The following RCL1 variants were observed in gnomAD, a reference collection of about 807,000 sequenced individuals.
RCL1 encodes RNA terminal phosphate cyclase like 1.
A neutral mutation model predicts 42.4 loss-of-function variants in RCL1; 24 were observed. That is an observed-to-expected ratio of 0.57 (90% CI 0.41 to 0.80). The LOEUF (loss-of-function observed/expected upper bound fraction) is 0.80, where lower values mean the gene tolerates loss of function less well. RCL1 is among the 30% of genes least tolerant of loss of function. The probability of loss-of-function intolerance (pLI) is 0.00; values close to 1 mark genes in which losing one functional copy is unlikely to be tolerated. For synonymous variants in RCL1, 228 were observed against 177.3 expected (o/e 1.29, Z -2.27); for missense variants, 578 against 467.9 (o/e 1.24, Z -2.17).
chr9:4,838,619 C>T (rs1265871050), intron 5 of RCL1, among the ~76,000 whole-genome samples: 2 of 152,164 alleles, frequency 1.3e-5, no homozygotes, highest in Non-Finnish European at 2.9e-5. Flanking sequence ...CTTTCTCTGA[C>T]ATGGAACATT....
intron 1 of RCL1, among the ~76,000 whole-genome samples, chr9:4,799,977 G>C (rs974968443): frequency 6.6e-6 from 1 of 152,306 alleles, no homozygotes; most frequent in Admixed American, 6.5e-5. Flanking sequence ...TGTGTGATTA[G>C]CCTGAGGTTA....
chr9:4,799,445 G>A (rs1392661402), intron 1 of RCL1, among the ~76,000 whole-genome samples: 1 of 152,178 alleles, frequency 6.6e-6, no homozygotes, highest in Admixed American at 6.5e-5. Flanking sequence ...ATGGTACAAT[G>A]TTAGAACTAG....
At chr9:4,812,694 A>T (rs927862453) in intron 1 of RCL1, among the ~76,000 whole-genome samples, 9 of 151,728 alleles carry the variant, frequency 5.9e-5, no homozygotes, top group Admixed American at 5.2e-4. Flanking sequence ...TGGTATTTTG[A>T]TAGGGATTGC....
chr9:4,838,082 T>C (rs2129651582), intron 5 of RCL1, among the ~76,000 whole-genome samples: 1 of 152,354 alleles, frequency 6.6e-6, no homozygotes, highest in Non-Finnish European at 1.5e-5. Context: ...GAGCTGCCTT[T>C]GGAAAAAGCT....
intron 5 of RCL1, among the ~76,000 whole-genome samples, chr9:4,836,477 T>G (rs1817135528): frequency 6.6e-6 from 1 of 152,104 alleles, no homozygotes; most frequent in Admixed American, 6.5e-5. Flanking sequence ...AGATTGTGTT[T>G]AGGGAGTTTT....
chr9:4,832,903 C>T (rs1816992862), intron 3 of RCL1, among the ~76,000 whole-genome samples: 1 of 151,374 alleles, frequency 6.6e-6, no homozygotes, highest in Admixed American at 6.6e-5. Flanking sequence ...CTGATGCACA[C>T]GATGACTTTA....
chr9:4,810,445 G>T (rs906255426), intron 1 of RCL1, among the ~76,000 whole-genome samples: 3 of 152,220 alleles, frequency 2.0e-5, no homozygotes, highest in Middle Eastern at 3.4e-3. Flanking sequence ...GTACGTAATT[G>T]TTTGTGTGCC....
chr9:4,832,029 A>C (rs941898457), intron 3 of RCL1, among the ~76,000 whole-genome samples: 1 of 152,178 alleles, frequency 6.6e-6, no homozygotes, highest in African/African-American at 2.4e-5. Flanking sequence ...GACAGATCCA[A>C]GAAGGGAACA....
intron 1 of RCL1, among the ~76,000 whole-genome samples, chr9:4,819,237 C>T (rs561476480): frequency 3.7e-4 from 56 of 152,324 alleles, no homozygotes; most frequent in Admixed American, 1.7e-3. Flanking sequence ...GAGTCTCACA[C>T]GGAGCCAGCA....
At chr9:4,816,227 G>C (rs1228749526) in intron 1 of RCL1, among the ~76,000 whole-genome samples, 1 of 152,002 alleles carries the variant, frequency 6.6e-6, no homozygotes, top group Non-Finnish European at 1.5e-5. Flanking sequence ...TGATTCATTG[G>C]TATATTCTGG....
Position 4,860,672 on chromosome 9 carries a change from T to A in RCL1, c.*397T>A, listed in dbSNP as rs1485043172. 3 of 169,890 alleles carry A rather than the reference T, an allele frequency of 1.8e-5. No individual in the cohort carries two copies. Among genetic ancestry groups the A allele is most frequent in the African/African-American group, 7.2e-5 (3 of 41,778 alleles). 10.5% of individuals were successfully genotyped at this position (169,890 alleles called of 1,614,324 possible). The stretch of plus-strand genomic sequence containing the variant: ...ACCTGTGGAGTCTGTTACTGTTCTT[T>A]CTGCAAGGACTCACCTCCTTGAGCC... On this transcript the variant is annotated 3_prime_UTR_variant, in exon 9 of 9. Transcript: ENST00000381750.
intron 1 of RCL1, among the ~76,000 whole-genome samples, chr9:4,794,911 G>T (rs142169620): frequency 1.3e-5 from 2 of 152,270 alleles, no homozygotes; most frequent in East Asian, 3.9e-4. Context: ...CCTGAGGGAG[G>T]TAGAACTGCT....
chr9:4,857,827 T>G (rs1039428154), intron 8 of RCL1, among the ~76,000 whole-genome samples: 5 of 152,154 alleles, frequency 3.3e-5, no homozygotes, highest in Non-Finnish European at 5.9e-5. Flanking sequence ...GAAGTGATAT[T>G]TCACAGTGGT....
chr9:4,812,489 C>A (rs1816214837), intron 1 of RCL1, among the ~76,000 whole-genome samples: 2 of 152,052 alleles, frequency 1.3e-5, no homozygotes. Context: ...GTCTTAATCT[C>A]CTGGGCTCAA....
intron 1 of RCL1, among the ~76,000 whole-genome samples, chr9:4,810,299 C>T (rs1181565602): frequency 6.6e-6 from 1 of 152,114 alleles, no homozygotes. Flanking sequence ...TGAAAAGAAA[C>T]AGTATGCCAG....
chr9:4,820,195 G>A (rs1385934975), intron 1 of RCL1, among the ~76,000 whole-genome samples: 1 of 152,166 alleles, frequency 6.6e-6, no homozygotes, highest in Non-Finnish European at 1.5e-5. Flanking sequence ...CTGAAATCTT[G>A]TAGCCCCAGG....
chr9:4,859,898 C>A (rs369400866), intron 8 of RCL1, among the ~76,000 whole-genome samples: 2 of 152,156 alleles, frequency 1.3e-5, no homozygotes, highest in Non-Finnish European at 2.9e-5. Context: ...TTTCCCCCCC[C>A]AGTTTAATTT....
intron 3 of RCL1, among the ~76,000 whole-genome samples, chr9:4,827,995 G>A (rs1349212609): frequency 6.6e-6 from 1 of 151,960 alleles, no homozygotes; most frequent in African/African-American, 2.4e-5. Flanking sequence ...GACCAGCCTG[G>A]CTAACACAGT....
chr9:4,808,901 G>A (rs1816072340), intron 1 of RCL1, among the ~76,000 whole-genome samples: 2 of 152,056 alleles, frequency 1.3e-5, no homozygotes, highest in African/African-American at 2.4e-5. Context: ...GTTTGTTTGG[G>A]GGAACAACTC....
Sources: gnomAD v4.1 joint callset for allele counts (sites outside exome capture counted in the v4.1 genomes callset) on GRCh38, gnomAD v4.1.1 for gene constraint, MANE v1.5 for transcripts, NCBI Gene and HGNC (gene_info 2026-07-23, HGNC 2026-07-21) for gene names.